The following SP7 variants were observed in gnomAD, a reference collection of about 807,000 sequenced individuals.
The protein encoded by SP7 is Sp7 transcription factor.
Under a neutral mutation model 27.9 loss-of-function variants are expected in SP7, and 13 were observed. The ratio of observed to expected loss-of-function variants is 0.47; its 90% CI spans 0.30 to 0.74. The LOEUF is 0.74. SP7 is among the 30% of genes least tolerant of loss of function. SP7 has a pLI of 0.06. For synonymous variants in SP7, 219 were observed against 226.7 expected, an observed-to-expected ratio of 0.97 and a Z score of 0.31; for missense variants, 525 against 558.0, an observed-to-expected ratio of 0.94 and a Z score of 0.60.
At chr12:53,337,262 C>T (rs1262573812), upstream of SP7, among the ~76,000 whole-genome samples, 3 of 152,156 alleles carry the variant, frequency 2.0e-5, no homozygotes, top group African/African-American at 7.2e-5. Context: ...TTCTCATTGC[C>T]ATGCATCAAT....
chr12:53,335,263 A>T (rs2136846176), intron 2 of SP7, among the ~76,000 whole-genome samples: 2 of 150,264 alleles, frequency 1.3e-5, no homozygotes, highest in South Asian at 4.2e-4. Context: ...CAGCTTATGT[A>T]TTTCCCACCC....
Position 53,343,141 on chromosome 12 carries a change from C to CA in SP7, c.-34+1972dup, listed in dbSNP as rs1270407240. Among the ~76,000 whole-genome samples, 356 of 58,626 alleles carry CA rather than the reference C, an allele frequency of 6.1e-3. 1 individual carries two copies. Among genetic ancestry groups the CA allele is most frequent in the Admixed American group, 0.019 (114 of 5,850 alleles). The allele number at this position is 58,626 out of a possible 152,430, so 38.5% of individuals were successfully genotyped here. On this transcript the variant is annotated intron_variant, in intron 1 of 1. Coordinates refer to the SP7 transcript ENST00000547755. ...CGAAACCCCATCTCTACAAAAAATA[C>CA]AAAAAAAAAAAAACATAGTCTGGGT...
intron 2 of SP7, among the ~76,000 whole-genome samples, chr12:53,331,019 A>G (rs1013959974): frequency 6.6e-6 from 1 of 152,226 alleles, no homozygotes. Flanking sequence ...GTAAGAGCCC[A>G]AAGTCGTCAT....
chr12:53,331,485 A>AAAG (rs1555193141), intron 2 of SP7, among the ~76,000 whole-genome samples: 1 of 151,030 alleles, frequency 6.6e-6, no homozygotes, highest in African/African-American at 2.4e-5. Flanking sequence ...AAAAAAAAAA[A>AAAG]AAAGAAAGGC....
At position 53,344,284 on chromosome 12, in the gene SP7, GC is replaced by G. The variant is rs1160493664; in HGVS notation, c.-34+829del. 6.6e-6 allele frequency among the ~76,000 whole-genome samples: 1 copy of G among 152,022 alleles called. No homozygotes were observed. The highest frequency in any genetic ancestry group is 2.4e-5 in the African/African-American group (1 of 41,382). On this transcript the variant is annotated intron_variant, in intron 1 of 1. Transcript: ENST00000547755. This position sits in a 1 kb window ranked among gnomAD's most constrained non-coding sequence, Gnocchi z 4.6. ...ATCCGGCCAACAGTGAAGGGCCAGG[GC>G]AGTATCTGAGGACCTGGCCCTCAGT...
upstream of SP7, among the ~76,000 whole-genome samples, chr12:53,336,648 C>T (rs886753889): frequency 7.9e-5 from 12 of 152,080 alleles, no homozygotes; most frequent in Non-Finnish European, 1.6e-4. Context: ...GCACCACACC[C>T]GCCCCAGCTG....
Position 53,328,808 on chromosome 12 carries a change from C to G in SP7, c.634G>C (p.Ala212Pro). 1 of 1,595,518 alleles carries G rather than the reference C, an allele frequency of 6.3e-7. No homozygotes were observed. Among genetic ancestry groups the G allele is most frequent in the Non-Finnish European group, 8.6e-7 (1 of 1,167,560 alleles). ...GGCCCTGGTTGCAAGAGGTGGGGAG[C>G]TGGGTAGGGGGCTGGATTAAGGGGA... ...FAPLNPAPYP[A>P]PHLLQPGPQH... Residue 212 changes from alanine to proline, a missense_variant, in exon 3 of 3, where the codon GCT becomes CCT. Transcript: ENST00000536324. This position sits in a 1 kb window ranked among gnomAD's most constrained non-coding sequence, Gnocchi z 5.1.
At chr12:53,343,574 T>C (rs1432195275) in intron 1 of SP7, among the ~76,000 whole-genome samples, 3 of 152,160 alleles carry the variant, frequency 2.0e-5, no homozygotes, top group Admixed American at 6.6e-5. Flanking sequence ...TTACAAGGAT[T>C]AGCAATAAAA....
In SP7 at chr12:53,329,127, G is replaced by A. The variant is rs1944672196; in HGVS notation, c.315C>T (p.Thr105=). Residue 105 remains threonine (T), a synonymous_variant, in exon 3 of 3, where the codon ACC becomes ACT. Coordinates refer to ENST00000536324, the MANE Select transcript of SP7 (RefSeq NM_001173467.3). ...TGGGCACTAGTAGCCCAGGGTCCTGGGTGCCTGTGGGCCCAGGGAATGAGT... is the reference window on the plus strand; with the variant it reads ...TGGGCACTAGTAGCCCAGGGTCCTGAGTGCCTGTGGGCCCAGGGAATGAGT... ...FSHSFPGPTG[T]QDPGLLVPKG... is the part of the protein sequence containing the mutation. 5.0e-6 allele frequency: 8 copies of A among 1,613,842 alleles called. No homozygotes were observed. Among genetic ancestry groups the A allele is most frequent in the Non-Finnish European group, 5.1e-6 (6 of 1,179,878 alleles).
intron 2 of SP7, among the ~76,000 whole-genome samples, chr12:53,334,310 C>G (rs1944740569): frequency 6.6e-6 from 1 of 150,680 alleles, no homozygotes; most frequent in Non-Finnish European, 1.5e-5. Flanking sequence ...CTTGGACTCA[C>G]AGCACTCAGA....
At chr12:53,340,590 C>T (rs1007633118), upstream of SP7, among the ~76,000 whole-genome samples, 1 of 152,184 alleles carries the variant, frequency 6.6e-6, no homozygotes, top group Admixed American at 6.5e-5. Flanking sequence ...GCTGACTCAT[C>T]TCTCCCTCTG....
intron 2 of SP7, among the ~76,000 whole-genome samples, chr12:53,334,359 C>CAT (rs1944741804): frequency 1.3e-5 from 2 of 151,864 alleles, no homozygotes; most frequent in Admixed American, 1.3e-4. Flanking sequence ...CACACACACA[C>CAT]ACACACACAC....
In SP7 at chr12:53,328,113, G is replaced by C; in HGVS notation, c.*33C>G. 2 of 1,551,120 alleles carry C rather than the reference G, an allele frequency of 1.3e-6. No homozygotes were observed. The highest frequency in any genetic ancestry group is 1.7e-6 in the Non-Finnish European group (2 of 1,149,918). ...CTAGAGAGCCAAGAGAGACTGTCAG[G>C]GCAGCCCTGGGGTGGGAGACCTTCC... On this transcript the variant is annotated 3_prime_UTR_variant, in exon 3 of 3. Coordinates refer to ENST00000536324, the MANE Select transcript of SP7 (RefSeq NM_001173467.3). The surrounding 1 kb of genome is among the most constrained non-coding windows in gnomAD (Gnocchi z 5.1).
At chr12:53,339,481 T>G (rs1944803442), upstream of SP7, among the ~76,000 whole-genome samples, 1 of 149,916 alleles carries the variant, frequency 6.7e-6, no homozygotes, top group African/African-American at 2.5e-5. Flanking sequence ...ATCCCAGCGC[T>G]TTGGGAGGCC....
In SP7 at chr12:53,327,207, TGGCTGG is replaced by T. The variant is rs963657423; in HGVS notation, c.*933_*938del. On this transcript the variant is annotated 3_prime_UTR_variant, in exon 3 of 3. Transcript: ENST00000536324. Reference sequence around the variant, plus strand: ...ATAGGACTTGAGGTTTCACAGCTTCTGGCTGGGGCTGGGGATATTAGGGATCCCCCT... The same window carrying T: ...ATAGGACTTGAGGTTTCACAGCTTCTGGCTGGGGATATTAGGGATCCCCCT... The T allele has an allele frequency of 1.3e-5, 2 of 152,654 alleles. No individual in the cohort carries two copies. Among genetic ancestry groups the T allele is most frequent in the Admixed American group, 6.5e-5 (1 of 15,290 alleles). The allele number at this position is 152,654 out of a possible 1,614,324, so 9.5% of individuals were successfully genotyped here.
upstream of SP7, among the ~76,000 whole-genome samples, chr12:53,339,922 G>A (rs1565794901): frequency 6.6e-6 from 1 of 152,020 alleles, no homozygotes; most frequent in East Asian, 1.9e-4. Flanking sequence ...GACTACCCTA[G>A]GGAGAATCAC....
Position 53,328,813 on chromosome 12 carries a change from T to C in SP7, c.629A>G (p.Tyr210Cys), listed in dbSNP as rs747009412. 4 of 1,596,950 alleles carry C rather than the reference T, an allele frequency of 2.5e-6. No homozygotes were observed. The African/African-American group carries it at 4.0e-5, about 16-fold the overall frequency. The change falls in exon 3 of 3, where the codon TAC becomes TGC. Residue 210 changes from tyrosine (Y) to cysteine (C), a missense_variant. Tyr to Cys is a radical substitution (Grantham distance 194). Coordinates refer to ENST00000536324, the MANE Select transcript of SP7 (RefSeq NM_001173467.3). This position sits in a 1 kb window ranked among gnomAD's most constrained non-coding sequence, Gnocchi z 5.1. ...SDFAPLNPAPYPAPHLLQPGP... is the reference protein window; with the variant it reads ...SDFAPLNPAPCPAPHLLQPGP... ...TGGTTGCAAGAGGTGGGGAGCTGGG[T>C]AGGGGGCTGGATTAAGGGGAGCAAA...
chr12:53,330,247 A>G (rs1361134356), intron 2 of SP7, among the ~76,000 whole-genome samples: 2 of 151,970 alleles, frequency 1.3e-5, no homozygotes, highest in African/African-American at 4.8e-5. Context: ...CAGTTTCACC[A>G]TGTTGGCCAG....
At chr12:53,339,745 G>GA (rs55724070), upstream of SP7, among the ~76,000 whole-genome samples, 600 of 131,580 alleles carry the variant, frequency 4.6e-3, 18 homozygotes, top group East Asian at 0.076. Context: ...AAAAAAGAAA[G>GA]AAAAAAAAAA....
Sources: allele counts gnomAD v4.1 joint callset (sites outside exome capture counted in the v4.1 genomes callset), GRCh38; gene constraint gnomAD v4.1.1; non-coding constraint Gnocchi (gnomAD v3.1); transcripts MANE v1.5; gene names NCBI Gene and HGNC (gene_info 2026-07-23, HGNC 2026-07-21).